Variants in CDADC1 observed in about 807,000 individuals in gnomAD.
CDADC1 encodes cytidine and dCMP deaminase domain containing 1, also known as dCTP deaminase.
Under a neutral mutation model 54.9 loss-of-function variants are expected in CDADC1, and 39 were observed. That is an observed-to-expected ratio of 0.71 (90% CI 0.55 to 0.93). The LOEUF is 0.93. Among genes scored for constraint, CDADC1 ranks in the 40% least tolerant of loss-of-function variants. The pLI is 0.00. For synonymous variants in CDADC1, 186 were observed against 204.0 expected (o/e 0.91, Z 0.75); for missense variants, 518 against 618.8 (o/e 0.84, Z 1.73).
At chr13:49,251,023 T>G (rs1332313177) in intron 2 of CDADC1, among the ~76,000 whole-genome samples, 1 of 152,188 alleles carries the variant, frequency 6.6e-6, no homozygotes, top group Non-Finnish European at 1.5e-5. Context: ...GTTAGGGATT[T>G]TATGTAGTGT....
At chr13:49,265,645 C>T (rs1409790540) in intron 4 of CDADC1, among the ~76,000 whole-genome samples, 1 of 151,384 alleles carries the variant, frequency 6.6e-6, no homozygotes, top group Admixed American at 6.6e-5. Context: ...TAATGTATAA[C>T]AGATTATTGT....
chr13:49,248,000 G>C lies in CDADC1; in HGVS notation c.-38G>C. 1 of 1,536,254 alleles carries C rather than the reference G, an allele frequency of 6.5e-7. No homozygotes were observed. Among genetic ancestry groups the C allele is most frequent in the Non-Finnish European group, 8.8e-7 (1 of 1,133,046 alleles). Reference sequence around the variant, plus strand: ...TAGGGCCGAGATCATGTCTGACTGGGAGAGGTTTCCTTGGCAGCAGAGGAC... The same window carrying C: ...TAGGGCCGAGATCATGTCTGACTGGCAGAGGTTTCCTTGGCAGCAGAGGAC... On this transcript the variant is annotated 5_prime_UTR_variant, in exon 1 of 10. Coordinates refer to ENST00000251108, the MANE Select transcript of CDADC1 (RefSeq NM_030911.4).
rs1237667014 is a variant in CDADC1, at chr13:49,292,807, T to C, written c.*1050T>C. The C allele has an allele frequency of 8.6e-6, 11 of 1,280,778 alleles. No individual in the cohort carries two copies. Among genetic ancestry groups the C allele is most frequent in the Non-Finnish European group, 1.0e-5 (10 of 984,780 alleles). 79.3% of individuals were successfully genotyped at this position (1,280,778 alleles called of 1,614,324 possible). A position where few individuals can be genotyped will look rare whatever the true frequency, so the allele number is the denominator to read the frequency against. ...GAGAGGGGTGGCCTGGGGTGCTTCA[T>C]GAGAAATGTCTTCCTGGATCTGCGG... On this transcript the variant is annotated 3_prime_UTR_variant, in exon 10 of 10. Transcript: ENST00000251108.
intron 9 of CDADC1, among the ~76,000 whole-genome samples, chr13:49,287,972 TAAAAA>T (rs779068056): frequency 1.6e-5 from 2 of 127,164 alleles, no homozygotes; most frequent in Non-Finnish European, 3.4e-5. Context: ...GACCCTGCCT[TAAAAA>T]AAAAAAAAAA....
intron 4 of CDADC1, among the ~76,000 whole-genome samples, chr13:49,265,161 T>G (rs1253107542): frequency 1.3e-5 from 2 of 152,240 alleles, no homozygotes; most frequent in African/African-American, 4.8e-5. Context: ...TCTGAAAACA[T>G]TTTTTATTAA....
chr13:49,255,885 G>T lies in CDADC1; in HGVS notation c.224G>T (p.Arg75Met), dbSNP rs144018046. ...GGACCCTTAGGAGATAATGAAGAGA[G>T]GACCAGAGTATCTACTGACAAAAGA... ...KHGPLGDNEE[R>M]TRVSTDKRQV... is the part of the protein sequence containing the mutation. The change falls in exon 3 of 10, where the codon AGG becomes ATG. Residue 75 changes from arginine to methionine, a missense_variant. Physicochemically the swap from Arg to Met is moderately conservative, Grantham distance 91. Coordinates refer to ENST00000251108, the MANE Select transcript of CDADC1 (RefSeq NM_030911.4). The T allele has an allele frequency of 6.2e-7, 1 of 1,611,382 alleles. No homozygotes were observed. Among genetic ancestry groups the T allele is most frequent in the Admixed American group, 1.7e-5 (1 of 59,594 alleles).
Position 49,247,979 on chromosome 13 carries a change from G to A in CDADC1, c.-59G>A. 6.8e-7 allele frequency: 1 copy of A among 1,478,456 alleles called. No homozygotes were observed. Among genetic ancestry groups the A allele is most frequent in the Non-Finnish European group, 9.2e-7 (1 of 1,081,362 alleles). 91.6% of individuals were successfully genotyped at this position (1,478,456 alleles called of 1,614,324 possible). ...GGAGGCGAGAGGCGGGGGCGCTAGGGCCGAGATCATGTCTGACTGGGAGAG... is the reference window on the plus strand; with the variant it reads ...GGAGGCGAGAGGCGGGGGCGCTAGGACCGAGATCATGTCTGACTGGGAGAG... On this transcript the variant is annotated 5_prime_UTR_variant, in exon 1 of 10. Coordinates refer to ENST00000251108, the MANE Select transcript of CDADC1 (RefSeq NM_030911.4).
intron 8 of CDADC1, among the ~76,000 whole-genome samples, chr13:49,283,857 G>A (rs1953424932): frequency 6.6e-6 from 1 of 152,126 alleles, no homozygotes; most frequent in Non-Finnish European, 1.5e-5. Flanking sequence ...ATCTGGCCTG[G>A]CTGCAAATAT....
intron 6 of CDADC1, among the ~76,000 whole-genome samples, chr13:49,277,356 A>T (rs1953176602): frequency 6.6e-6 from 1 of 152,140 alleles, no homozygotes; most frequent in African/African-American, 2.4e-5. Flanking sequence ...CTGTGGTCCC[A>T]GCTACTTGGG....
intron 8 of CDADC1, among the ~76,000 whole-genome samples, chr13:49,282,006 C>T (rs552063398): frequency 6.2e-4 from 89 of 143,746 alleles, no homozygotes; most frequent in Admixed American, 4.4e-3. Context: ...ATAATAGAGA[C>T]GGGGTTTCAC....
chr13:49,287,582 A>G (rs761797585), intron 9 of CDADC1, among the ~76,000 whole-genome samples: 1 of 152,204 alleles, frequency 6.6e-6, no homozygotes, highest in Non-Finnish European at 1.5e-5. Flanking sequence ...GAAGGGGCCA[A>G]TGAATAATTT....
intron 3 of CDADC1, among the ~76,000 whole-genome samples, chr13:49,257,323 G>C (rs1453734742): frequency 6.6e-6 from 1 of 151,650 alleles, no homozygotes; most frequent in African/African-American, 2.4e-5. Context: ...TTTTTTTTAT[G>C]TTTTATTCTG....
intron 6 of CDADC1, among the ~76,000 whole-genome samples, chr13:49,277,330 G>A (rs946683469): frequency 6.6e-6 from 1 of 151,960 alleles, no homozygotes; most frequent in Non-Finnish European, 1.5e-5. Flanking sequence ...AATTAGCCAG[G>A]CATAGTGACA....
intron 5 of CDADC1, among the ~76,000 whole-genome samples, chr13:49,271,014 T>C (rs1952951752): frequency 1.3e-5 from 2 of 152,234 alleles, no homozygotes; most frequent in Admixed American, 1.3e-4. Context: ...ATGATTAAAA[T>C]GAATTCCAAA....
Position 49,256,045 on chromosome 13 carries a change from A to G in CDADC1, c.252+132A>G, listed in dbSNP as rs116797632. 8.7e-4 allele frequency: 1,129 copies of G among 1,294,774 alleles called. 8 individuals are homozygous for G. The African/African-American group carries it at 0.015, about 17-fold the overall frequency. 80.2% of individuals were successfully genotyped at this position (1,294,774 alleles called of 1,614,324 possible). The stretch of plus-strand genomic sequence containing the variant: ...AAATACTCTTCTAAAAATGGTCTGT[A>G]TATTTACAAGACTATATGTCACTCC... On this transcript the variant is annotated intron_variant, in intron 3 of 9. Transcript: ENST00000251108.
chr13:49,285,035 G>T (rs867942597), intron 8 of CDADC1, among the ~76,000 whole-genome samples: 2 of 152,244 alleles, frequency 1.3e-5, no homozygotes, highest in Middle Eastern at 3.4e-3. Context: ...ATTCCTGAAT[G>T]GTTGAGATGA....
chr13:49,271,456 T>C (rs774599164), intron 5 of CDADC1, among the ~76,000 whole-genome samples: 4 of 152,096 alleles, frequency 2.6e-5, no homozygotes, highest in Non-Finnish European at 4.4e-5. Context: ...TCAAGAAAGT[T>C]AACTTTTAAA....
chr13:49,275,720 TATATATAGAGAGAGAG>T (rs1953102945), intron 6 of CDADC1, among the ~76,000 whole-genome samples: 8 of 26,150 alleles, frequency 3.1e-4, no homozygotes, highest in Non-Finnish European at 4.1e-4. Flanking sequence ...TATATATATA[TATATATAGAGAGAGAG>T]AGAGAGAGAG....
intron 2 of CDADC1, 86 bp from the exon 3 acceptor site, chr13:49,255,752 GA>G: frequency 6.5e-7 from 1 of 1,536,596 alleles, no homozygotes; most frequent in Non-Finnish European, 8.8e-7. Context: ...CAAAGCCAAG[GA>G]AGCCAGCCTT....
Sources: gnomAD v4.1 joint callset for allele counts (sites outside exome capture counted in the v4.1 genomes callset) on GRCh38, gnomAD v4.1.1 for gene constraint, MANE v1.5 for transcripts, NCBI Gene and HGNC (gene_info 2026-07-23, HGNC 2026-07-21) for gene names.